SAMD4A: variants seen among roughly 807,000 people sequenced by gnomAD.
The protein encoded by SAMD4A is sterile alpha motif domain containing 4A, also known as protein Smaug homolog 1.
In SAMD4A, 33 loss-of-function variants were observed where a neutral mutation model predicts 81.3. That is an observed-to-expected ratio of 0.41 (90% confidence interval 0.31 to 0.54). The LOEUF is 0.54. SAMD4A is among the 20% of genes least tolerant of loss of function. SAMD4A has a pLI of 0.37. For synonymous variants in SAMD4A, 389 were observed against 382.1 expected (o/e 1.02, Z -0.21); for missense variants, 854 against 951.1 (o/e 0.90, Z 1.34).
rs111421764 is a variant in SAMD4A, at chr14:54,696,575, G to T, written c.197-5487G>T. 9.8e-3 allele frequency among the ~76,000 whole-genome samples: 1,489 copies of T among 152,294 alleles called. 30 individuals are homozygous for T. The highest frequency in any genetic ancestry group is 0.034 in the African/African-American group (1,395 of 41,552). Reference sequence around the variant, plus strand: ...CTGAAAACAAGGGTATAATAAAATAGCAATTTAAGAGTAATTTACTAACAA... The same window carrying T: ...CTGAAAACAAGGGTATAATAAAATATCAATTTAAGAGTAATTTACTAACAA... On this transcript the variant is annotated intron_variant, in intron 2 of 12. Coordinates refer to ENST00000554335, the MANE Select transcript of SAMD4A (RefSeq NM_015589.6).
At chr14:54,726,295 TG>T (rs2037413950) in intron 3 of SAMD4A, among the ~76,000 whole-genome samples, 1 of 152,096 alleles carries the variant, frequency 6.6e-6, no homozygotes, top group Admixed American at 6.6e-5. Context: ...AATATTTTTC[TG>T]GGGAGTCTTT....
intron 2 of SAMD4A, among the ~76,000 whole-genome samples, chr14:54,691,936 C>T (rs989688775): frequency 1.3e-5 from 2 of 152,212 alleles, no homozygotes; most frequent in African/African-American, 2.4e-5. Context: ...ATGACTTGTA[C>T]GTGTATTTCA....
At chr14:54,678,049 C>T (rs2036030958) in intron 2 of SAMD4A, among the ~76,000 whole-genome samples, 1 of 152,164 alleles carries the variant, frequency 6.6e-6, no homozygotes, top group South Asian at 2.1e-4. Context: ...GAAAAGCATA[C>T]AAATTAATTC....
chr14:54,756,370 C>T lies in SAMD4A; in HGVS notation c.1177-3791C>T, dbSNP rs17127894. 8.1e-3 allele frequency among the ~76,000 whole-genome samples: 1,240 copies of T among 152,282 alleles called. 24 individuals are homozygous for T. The highest frequency in any genetic ancestry group is 0.028 in the African/African-American group (1,168 of 41,540). On this transcript the variant is annotated intron_variant, in intron 6 of 12. Transcript: ENST00000554335. ...CTGAGCCCTGCTCGGCCACGTATAG[C>T]GTCCTGTCATCCTTTGTTCCTTTCA...
chr14:54,681,851 A>G, intron 2 of SAMD4A: 1 of 985,424 alleles, frequency 1.0e-6, no homozygotes, highest in Non-Finnish European at 1.2e-6. Flanking sequence ...ACTCTCCCAA[A>G]AGATAAGCGG....
At chr14:54,618,201 G>A (rs2034535596) in intron 2 of SAMD4A, among the ~76,000 whole-genome samples, 1 of 152,146 alleles carries the variant, frequency 6.6e-6, no homozygotes, top group African/African-American at 2.4e-5. Flanking sequence ...TATTTCCAGT[G>A]GTGTGCTGGA....
chr14:54,679,432 A>G (rs1484506939), intron 2 of SAMD4A, among the ~76,000 whole-genome samples: 1 of 152,218 alleles, frequency 6.6e-6, no homozygotes. Flanking sequence ...AAAAATACCA[A>G]TCTGCAACCA....
chr14:54,574,982 G>C (rs1284163532), intron 2 of SAMD4A, among the ~76,000 whole-genome samples: 1 of 152,178 alleles, frequency 6.6e-6, no homozygotes, highest in Non-Finnish European at 1.5e-5. Flanking sequence ...TGTTAGAAAT[G>C]AAAGGTGCAG....
chr14:54,664,080 C>G (rs2035703326), intron 2 of SAMD4A, among the ~76,000 whole-genome samples: 1 of 151,930 alleles, frequency 6.6e-6, no homozygotes, highest in Non-Finnish European at 1.5e-5. Flanking sequence ...TAAATTGAGG[C>G]CAAATTAAAT....
chr14:54,622,662 C>T (rs1305595664), intron 2 of SAMD4A, among the ~76,000 whole-genome samples: 1 of 152,218 alleles, frequency 6.6e-6, no homozygotes, highest in Non-Finnish European at 1.5e-5. Context: ...TGGGTCACAA[C>T]TGTGGCTCCC....
chr14:54,690,790 C>T lies in SAMD4A; in HGVS notation c.197-11272C>T, dbSNP rs1000972738. On this transcript the variant is annotated intron_variant, in intron 2 of 12. Transcript: ENST00000554335. ...GCTAGATTCAAACAACACAGTAGGC[C>T]AGTGCTGTCACTCCCAGCTCAGAAC... Among the ~76,000 whole-genome samples the T allele has an allele frequency of 2.0e-5, 3 of 152,178 alleles. No homozygotes were observed. The East Asian group carries it at 5.8e-4, about 29-fold the overall frequency.
At chr14:54,642,501 G>A (rs1405788905) in intron 2 of SAMD4A, among the ~76,000 whole-genome samples, 1 of 152,192 alleles carries the variant, frequency 6.6e-6, no homozygotes, top group East Asian at 1.9e-4. Flanking sequence ...GTAACTTCTT[G>A]TCCCTGACTC....
chr14:54,589,913 C>A (rs2033728402), intron 2 of SAMD4A, among the ~76,000 whole-genome samples: 1 of 152,216 alleles, frequency 6.6e-6, no homozygotes, highest in Non-Finnish European at 1.5e-5. Flanking sequence ...TCTCTCTAAA[C>A]CTCTTGCCCT....
chr14:54,743,007 G>C (rs1321886881), intron 4 of SAMD4A, among the ~76,000 whole-genome samples: 1 of 152,210 alleles, frequency 6.6e-6, no homozygotes, highest in Non-Finnish European at 1.5e-5. Context: ...TTGAAATGTA[G>C]ACCTTTGAAC....
chr14:54,757,800 G>A (rs1463428560), intron 6 of SAMD4A, among the ~76,000 whole-genome samples: 2 of 152,316 alleles, frequency 1.3e-5, no homozygotes, highest in Non-Finnish European at 2.9e-5. Context: ...CAACCCAGGG[G>A]CTGGTTGGGC....
intron 8 of SAMD4A, among the ~76,000 whole-genome samples, chr14:54,767,013 T>TG (rs1291145053): frequency 6.6e-6 from 1 of 152,178 alleles, no homozygotes; most frequent in Non-Finnish European, 1.5e-5. Context: ...CTCTCGTGGC[T>TG]GGGGGCCCCG....
In SAMD4A at chr14:54,719,060, C is replaced by T. The variant is rs189017171; in HGVS notation, c.715+16480C>T. ...TTTGGGAAAGAAGGGTTCAAAGGAA[C>T]GCCTTTCCCCATTCCCCTTCCTTCT... On this transcript the variant is annotated intron_variant, in intron 3 of 12. Coordinates refer to ENST00000554335, the MANE Select transcript of SAMD4A (RefSeq NM_015589.6). 2.9e-3 allele frequency among the ~76,000 whole-genome samples: 435 copies of T among 151,818 alleles called. 4 individuals carry two copies. The highest frequency in any genetic ancestry group is 5.4e-3 in the Non-Finnish European group (366 of 67,898).
At chr14:54,629,340 G>A (rs999263250) in intron 2 of SAMD4A, among the ~76,000 whole-genome samples, 1 of 152,162 alleles carries the variant, frequency 6.6e-6, no homozygotes, top group African/African-American at 2.4e-5. Context: ...AGAACTGTGA[G>A]AATAAATTTC....
At chr14:54,678,406 ATG>A (rs1405660378) in intron 2 of SAMD4A, among the ~76,000 whole-genome samples, 1 of 136,354 alleles carries the variant, frequency 7.3e-6, no homozygotes, top group Non-Finnish European at 1.5e-5. Flanking sequence ...TCTAATACCA[ATG>A]TGTCGTATTT....
Sources: allele counts gnomAD v4.1 joint callset (sites outside exome capture counted in the v4.1 genomes callset), GRCh38; gene constraint gnomAD v4.1.1; transcripts MANE v1.5; gene names NCBI Gene and HGNC (gene_info 2026-07-23, HGNC 2026-07-21).